The following PHF21B variants were observed in gnomAD, a reference collection of about 807,000 sequenced individuals.
PHF21B encodes the protein PHD finger protein 4.
In PHF21B, 22 loss-of-function variants were observed where a neutral mutation model predicts 62.2. That is an observed-to-expected ratio of 0.35 (90% CI 0.25 to 0.51). The LOEUF (loss-of-function observed/expected upper bound fraction) is 0.51, where lower values mean the gene tolerates loss of function less well. Ranked by LOEUF, PHF21B falls within the 20% of genes least tolerant of loss-of-function variation. PHF21B has a pLI of 0.97. For synonymous variants in PHF21B, 341 were observed against 314.7 expected, an observed-to-expected ratio of 1.08 and a Z score of -0.88; for missense variants, 701 against 707.9, an observed-to-expected ratio of 0.99 and a Z score of 0.11.
At chr22:44,932,659 G>T (rs146537932) in intron 2 of PHF21B, among the ~76,000 whole-genome samples, 1,567 of 152,376 alleles carry the variant, frequency 0.01, 23 homozygotes, top group African/African-American at 0.036. Flanking sequence ...GTGCACCACG[G>T]AACGCTGATG....
chr22:44,891,230 G>A, intron 8 of PHF21B, 76 bp downstream of exon 8: 2 of 1,539,528 alleles, frequency 1.3e-6, no homozygotes, highest in Non-Finnish European at 1.8e-6. Flanking sequence ...CCCAGGCCCA[G>A]GCGTGGAGGA....
intron 5 of PHF21B, among the ~76,000 whole-genome samples, chr22:44,909,515 C>T (rs1297167277): frequency 6.6e-6 from 1 of 152,270 alleles, no homozygotes; most frequent in Non-Finnish European, 1.5e-5. Flanking sequence ...CTTGACTTCA[C>T]TGGCTTTTTA....
intron 2 of PHF21B, among the ~76,000 whole-genome samples, chr22:44,925,359 A>G (rs1194027170): frequency 2.6e-5 from 4 of 152,230 alleles, no homozygotes; most frequent in Admixed American, 2.0e-4. Flanking sequence ...CTCCACCCCT[A>G]GAATGAATAT....
rs2071389922 is a variant in PHF21B, at chr22:44,913,970, A to G, written c.683T>C (p.Ile228Thr). 1 of 1,323,916 alleles carries G rather than the reference A, an allele frequency of 7.6e-7. No homozygotes were observed. The highest frequency in any genetic ancestry group is 1.0e-6 in the Non-Finnish European group (1 of 989,068). 82.0% of individuals were successfully genotyped at this position (1,323,916 alleles called of 1,614,324 possible). Residue 228 changes from isoleucine to threonine, a missense_variant, in exon 5 of 13, where the codon ATC becomes ACC. Coordinates refer to ENST00000313237, the MANE Select transcript of PHF21B (RefSeq NM_138415.5). ...AGGCTGAATGATGATGACCTGGAAG[A>G]TGCCATGGAGGGGTGAAGGGGACAG... ...PSLSPSPLHG[I>T]FQVIIIQPQV... is the part of the protein sequence containing the mutation.
At chr22:44,912,756 G>A in intron 5 of PHF21B, among the ~76,000 whole-genome samples, 1 of 151,756 alleles carries the variant, frequency 6.6e-6, no homozygotes, top group East Asian at 1.9e-4. Context: ...TGCACACCTT[G>A]TAGTCCCAGC....
chr22:44,944,700 G>A (rs1039741203), intron 2 of PHF21B, among the ~76,000 whole-genome samples: 1 of 152,214 alleles, frequency 6.6e-6, no homozygotes, highest in Non-Finnish European at 1.5e-5. Context: ...CTTCGAACGG[G>A]AATGTCTGAT....
rs144695904 is a variant in PHF21B, at chr22:44,992,327, C to T, written c.120+16218G>A. 4.0e-3 allele frequency among the ~76,000 whole-genome samples: 606 copies of T among 152,336 alleles called. 3 individuals carry two copies. Among genetic ancestry groups the T allele is most frequent in the African/African-American group, 0.014 (563 of 41,566 alleles). On this transcript the variant is annotated intron_variant, in intron 2 of 12. Transcript: ENST00000313237. ...AATGCATGGGAGGAACTGACGGGGA[C>T]GGGGTGCTGTGGCCGCACCGCAGCG...
At chr22:44,978,862 C>T (rs2072785973) in intron 2 of PHF21B, among the ~76,000 whole-genome samples, 1 of 152,254 alleles carries the variant, frequency 6.6e-6, no homozygotes, top group East Asian at 1.9e-4. Flanking sequence ...CACAGGGGAA[C>T]CAGGTGGCCA....
At chr22:44,954,404 C>G (rs917321344) in intron 2 of PHF21B, among the ~76,000 whole-genome samples, 6 of 152,190 alleles carry the variant, frequency 3.9e-5, no homozygotes, top group African/African-American at 1.4e-4. Context: ...CTCTCCCTAC[C>G]TGGTGCCCAA....
intron 2 of PHF21B, among the ~76,000 whole-genome samples, chr22:45,004,050 G>C (rs1481581940): frequency 2.0e-5 from 3 of 152,140 alleles, no homozygotes; most frequent in Admixed American, 6.5e-5. Flanking sequence ...TCTAGAGACA[G>C]AGTAGATTAG....
intron 5 of PHF21B, among the ~76,000 whole-genome samples, chr22:44,912,875 T>A: frequency 3.0e-4 from 1 of 3,348 alleles, no homozygotes; most frequent in East Asian, 0.05. Flanking sequence ...TCAGACTCTA[T>A]CTCAAAAAAA....
chr22:45,005,811 G>A (rs2073304655), intron 2 of PHF21B, among the ~76,000 whole-genome samples: 1 of 152,194 alleles, frequency 6.6e-6, no homozygotes, highest in South Asian at 2.1e-4. Context: ...TTCCCTAAGC[G>A]ACTCTCTAAA....
intron 2 of PHF21B, among the ~76,000 whole-genome samples, chr22:44,954,763 C>T (rs962717208): frequency 6.6e-6 from 1 of 152,230 alleles, no homozygotes; most frequent in Admixed American, 6.5e-5. Flanking sequence ...CTTGATGCAC[C>T]TGAGTCCTTC....
chr22:44,980,269 AC>A (rs778419448), intron 2 of PHF21B, among the ~76,000 whole-genome samples: 2 of 151,892 alleles, frequency 1.3e-5, no homozygotes, highest in African/African-American at 2.4e-5. Context: ...GAAGATCTGG[AC>A]TCCTGGAGGA....
chr22:44,998,327 G>C (rs1390931806), intron 2 of PHF21B, among the ~76,000 whole-genome samples: 1 of 152,196 alleles, frequency 6.6e-6, no homozygotes, highest in Non-Finnish European at 1.5e-5. Flanking sequence ...GCCCTCTGGG[G>C]CCAGCGGCTT....
intron 2 of PHF21B, among the ~76,000 whole-genome samples, chr22:44,920,896 A>C (rs1461306712): frequency 2.6e-5 from 4 of 152,214 alleles, no homozygotes; most frequent in African/African-American, 9.6e-5. Context: ...GTATTTCCTC[A>C]GACAATCCTC....
At chr22:44,931,800 T>C (rs888043823) in intron 2 of PHF21B, among the ~76,000 whole-genome samples, 3 of 152,166 alleles carry the variant, frequency 2.0e-5, no homozygotes, top group Non-Finnish European at 4.4e-5. Context: ...CGGCCACTTC[T>C]GCATCTACTC....
At position 45,009,098 on chromosome 22, in the gene PHF21B, A is replaced by C; in HGVS notation, c.54+398T>G. ...CTCGCCAGCAGCGATCGCCAAAACT[A>C]CTTCTGCACACCGGGCAGGTTCGCC... On this transcript the variant is annotated intron_variant, in intron 1 of 12. Transcript: ENST00000313237. The surrounding 1 kb of genome is among the most constrained non-coding windows in gnomAD (Gnocchi z 5.9). 7.3e-6 allele frequency: 7 copies of C among 959,982 alleles called. No individual in the cohort carries two copies. Among genetic ancestry groups the C allele is most frequent in the Non-Finnish European group, 9.1e-6 (7 of 766,698 alleles). The allele number at this position is 959,982 out of a possible 1,614,324, so 59.5% of individuals were successfully genotyped here.
chr22:44,994,271 G>A (rs951751198), intron 2 of PHF21B, among the ~76,000 whole-genome samples: 1 of 152,246 alleles, frequency 6.6e-6, no homozygotes, highest in East Asian at 1.9e-4. Flanking sequence ...TTAGTTAGCT[G>A]AGGTCATTGT....
Sources: allele counts gnomAD v4.1 joint callset (sites outside exome capture counted in the v4.1 genomes callset), GRCh38; gene constraint gnomAD v4.1.1; non-coding constraint Gnocchi (gnomAD v3.1); transcripts MANE v1.5; gene names NCBI Gene and HGNC (gene_info 2026-07-23, HGNC 2026-07-21).